YWHAG: variants seen among roughly 807,000 people sequenced by gnomAD.
The protein encoded by YWHAG is 14-3-3 protein gamma.
Under a neutral mutation model 23.3 loss-of-function variants are expected in YWHAG, and 1 was observed. The ratio of observed to expected loss-of-function variants is 0.04; its 90% CI spans 0.02 to 0.20. The LOEUF (loss-of-function observed/expected upper bound fraction) is 0.20, where lower values mean the gene tolerates loss of function less well. Among genes scored for constraint, YWHAG ranks in the 10% least tolerant of loss-of-function variants. The pLI is 1.00. For missense variants in YWHAG, 151 were observed against 338.6 expected, an observed-to-expected ratio of 0.45 and a Z score of 4.35; for synonymous variants, 160 against 144.0, an observed-to-expected ratio of 1.11 and a Z score of -0.80.
At position 76,330,201 on chromosome 7, in the gene YWHAG, C is replaced by T. The variant is rs1048792928; in HGVS notation, c.120G>A (p.Glu40=). 22 of 1,611,966 alleles carry T rather than the reference C, an allele frequency of 1.4e-5. No homozygotes were observed. The highest frequency in any genetic ancestry group is 1.9e-5 in the Non-Finnish European group (22 of 1,179,528). ...VTELNEPLSN[E]ERNLLSVAYK... ...AGGCCACAGACAGAAGGTTTCGTTC[C>T]TCATTCGACAGTGGCTCATTCAGCT... Residue 40 remains glutamate (E), a synonymous_variant, in exon 2 of 2, where the codon GAG becomes GAA. Coordinates refer to ENST00000307630, the MANE Select transcript of YWHAG (RefSeq NM_012479.4).
At chr7:76,357,936 C>T (rs896361634) in intron 1 of YWHAG, among the ~76,000 whole-genome samples, 1 of 152,184 alleles carries the variant, frequency 6.6e-6, no homozygotes, top group Non-Finnish European at 1.5e-5. Context: ...CAGCTACATT[C>T]ACCACCTTTT....
chr7:76,358,639 G>T, intron 1 of YWHAG, 83 bp downstream of exon 1: 1 of 1,366,346 alleles, frequency 7.3e-7, no homozygotes, highest in South Asian at 1.4e-5. Context: ...TCGCGACAGG[G>T]CGACGAAGCC....
At chr7:76,350,098 G>A (rs765534084) in intron 1 of YWHAG, among the ~76,000 whole-genome samples, 3 of 152,194 alleles carry the variant, frequency 2.0e-5, no homozygotes, top group Non-Finnish European at 2.9e-5. Flanking sequence ...CTGGGTGTAC[G>A]GGGGTTACTG....
At chr7:76,332,256 ACTC>A (rs1205394937) in intron 1 of YWHAG, among the ~76,000 whole-genome samples, 1 of 151,812 alleles carries the variant, frequency 6.6e-6, no homozygotes, top group African/African-American at 2.4e-5. Flanking sequence ...TTCTGCAAAC[ACTC>A]CTCCTGCATG....
Position 76,330,134 on chromosome 7 carries a change from T to C in YWHAG, c.187A>G (p.Ile63Val). 1 of 1,614,140 alleles carries C rather than the reference T, an allele frequency of 6.2e-7. No homozygotes were observed. The highest frequency in any genetic ancestry group is 8.5e-7 in the Non-Finnish European group (1 of 1,180,032). ...VGARRSSWRV[I>V]SSIEQKTSAD... ...GATGTCTTCTGCTCAATGCTACTGA[T>C]GACCCTCCAGGAAGAGCGGCGTGCC... The change falls in exon 2 of 2, where the codon ATC (isoleucine) becomes GTC (valine). Residue 63 changes from isoleucine (I) to valine (V), a missense_variant. By Grantham distance (29) the Ile-to-Val change is conservative (BLOSUM62 3). Transcript: ENST00000307630.
rs1563670282 is a variant in YWHAG, at chr7:76,358,938, G to A, written c.-130C>T. On this transcript the variant is annotated 5_prime_UTR_variant, in exon 1 of 2. Coordinates refer to ENST00000307630, the MANE Select transcript of YWHAG (RefSeq NM_012479.4). ...AGAGCGAGCAGCTGAGGCGGCGGCT[G>A]CGCGGAGGAGGCGGCTGGAGCTGCG... The A allele has an allele frequency of 1.2e-6, 1 of 829,292 alleles. No homozygotes were observed. Among genetic ancestry groups the A allele is most frequent in the South Asian group, 2.8e-5 (1 of 36,350 alleles). The allele number at this position is 829,292 out of a possible 1,614,324, so 51.4% of individuals were successfully genotyped here.
rs550395401 is a variant in YWHAG, at chr7:76,358,975, G to A, written c.-167C>T. On this transcript the variant is annotated 5_prime_UTR_variant, in exon 1 of 2. Coordinates refer to ENST00000307630, the MANE Select transcript of YWHAG (RefSeq NM_012479.4). ...CGGCTGGAGCTGCGACCGCGGGACC[G>A]GGCGCGAGGCGGCTGCGGCTGCTGT... The A allele has an allele frequency of 1.1e-5, 6 of 541,984 alleles. No individual in the cohort carries two copies. Among genetic ancestry groups the A allele is most frequent in the Non-Finnish European group, 1.5e-5 (5 of 336,028 alleles). 33.6% of individuals were successfully genotyped at this position (541,984 alleles called of 1,614,324 possible).
intron 1 of YWHAG, among the ~76,000 whole-genome samples, chr7:76,342,101 C>T (rs1043340398): frequency 6.6e-6 from 1 of 152,176 alleles, no homozygotes; most frequent in Non-Finnish European, 1.5e-5. Context: ...CCTCTTGTGA[C>T]CTCCTACCAA....
Position 76,348,938 on chromosome 7 carries a change from T to C in YWHAG, c.87+9784A>G, listed in dbSNP as rs1042033558. On this transcript the variant is annotated intron_variant, in intron 1 of 1. Transcript: ENST00000307630. ...CTTTAAAATCAGAAGATTATCACTT[T>C]ATAAAACTGTTGTGAAATTAAATGG... 3.3e-5 allele frequency among the ~76,000 whole-genome samples: 5 copies of C among 152,150 alleles called. No homozygotes were observed. The East Asian group carries it at 9.6e-4, about 29-fold the overall frequency.
intron 1 of YWHAG, among the ~76,000 whole-genome samples, chr7:76,336,770 T>C (rs987852567): frequency 6.6e-6 from 1 of 151,534 alleles, no homozygotes; most frequent in African/African-American, 2.4e-5. Context: ...TTTTTTTTTT[T>C]TTTCAACCTA....
chr7:76,339,026 C>T (rs1420123364), intron 1 of YWHAG, among the ~76,000 whole-genome samples: 2 of 152,142 alleles, frequency 1.3e-5, no homozygotes, highest in Non-Finnish European at 2.9e-5. Flanking sequence ...GTTATTCATA[C>T]CTACAATTGA....
intron 1 of YWHAG, among the ~76,000 whole-genome samples, chr7:76,336,451 CTTTTTT>C (rs35137930): frequency 1.7e-5 from 2 of 116,716 alleles, no homozygotes; most frequent in East Asian, 5.1e-4. Flanking sequence ...GAAAGTCTGG[CTTTTTT>C]TTTTTTTTTT....
chr7:76,345,372 G>A (rs1803763247), intron 1 of YWHAG, among the ~76,000 whole-genome samples: 1 of 151,798 alleles, frequency 6.6e-6, no homozygotes, highest in Non-Finnish European at 1.5e-5. Flanking sequence ...TTTTTTAGTA[G>A]AGACGGGGTT....
intron 1 of YWHAG, among the ~76,000 whole-genome samples, chr7:76,352,606 A>C (rs541629892): frequency 6.6e-6 from 1 of 152,180 alleles, no homozygotes; most frequent in Admixed American, 6.5e-5. Context: ...TTATGTTAAA[A>C]ATCTAAATTA....
chr7:76,352,161 T>C (rs909440630), intron 1 of YWHAG, among the ~76,000 whole-genome samples: 2 of 152,240 alleles, frequency 1.3e-5, no homozygotes, highest in African/African-American at 4.8e-5. Flanking sequence ...CTTAAAGAAC[T>C]AGCACCATAG....
intron 1 of YWHAG, among the ~76,000 whole-genome samples, chr7:76,333,028 T>G (rs1209052973): frequency 6.6e-6 from 1 of 152,044 alleles, no homozygotes; most frequent in Non-Finnish European, 1.5e-5. Context: ...GGAAGTGCAG[T>G]GGCACTATCT....
intron 1 of YWHAG, among the ~76,000 whole-genome samples, chr7:76,354,372 G>T (rs1039898047): frequency 1.3e-5 from 2 of 151,910 alleles, no homozygotes; most frequent in South Asian, 2.1e-4. Flanking sequence ...TTCACTGGGC[G>T]TGGTGGTGGG....
intron 1 of YWHAG, among the ~76,000 whole-genome samples, chr7:76,357,541 G>GTGTTACTGA (rs2115663193): frequency 6.6e-6 from 1 of 152,192 alleles, no homozygotes; most frequent in South Asian, 2.1e-4. Flanking sequence ...GATAAATGTG[G>GTGTTACTGA]TGTTACTGAC....
At position 76,343,816 on chromosome 7, in the gene YWHAG, A is replaced by G. The variant is rs139677825; in HGVS notation, c.88-13583T>C. Reference sequence around the variant, plus strand: ...ACCACCACGTGAAGAAGCCTGGGTTAACCTGGAGGTGAGAGACTGTGGGTG... The same window carrying G: ...ACCACCACGTGAAGAAGCCTGGGTTGACCTGGAGGTGAGAGACTGTGGGTG... On this transcript the variant is annotated intron_variant, in intron 1 of 1. Transcript: ENST00000307630. 3.6e-4 allele frequency among the ~76,000 whole-genome samples: 55 copies of G among 152,314 alleles called. 1 individual carries two copies. The highest frequency in any genetic ancestry group is 1.3e-3 in the African/African-American group (52 of 41,574).
Sources: allele counts gnomAD v4.1 joint callset (sites outside exome capture counted in the v4.1 genomes callset), GRCh38; gene constraint gnomAD v4.1.1; transcripts MANE v1.5; gene names NCBI Gene and HGNC (gene_info 2026-07-23, HGNC 2026-07-21).